Variants in PPFIA2 observed in about 807,000 individuals in gnomAD.
The protein encoded by PPFIA2 is PPFI scaffold protein A2.
Under a neutral mutation model 175.5 loss-of-function variants are expected in PPFIA2, and 46 were observed. That is an observed-to-expected ratio of 0.26 (90% CI 0.21 to 0.34). PPFIA2 has a LOEUF of 0.34. PPFIA2 is among the 10% of genes least tolerant of loss of function. PPFIA2 has a pLI of 1.00. For missense variants in PPFIA2, 1,179 were observed against 1,506.1 expected (o/e 0.78, Z 3.60); for synonymous variants, 568 against 511.4 (o/e 1.11, Z -1.49).
At chr12:81,441,340 A>C (rs763319526) in intron 6 of PPFIA2, among the ~76,000 whole-genome samples, 29 of 152,048 alleles carry the variant, frequency 1.9e-4, no homozygotes, top group Non-Finnish European at 2.9e-4. Context: ...CCTGAAATAG[A>C]CCTTGAATCA....
intron 8 of PPFIA2, among the ~76,000 whole-genome samples, chr12:81,385,891 A>G (rs2038828732): frequency 6.6e-6 from 1 of 152,184 alleles, no homozygotes. Context: ...AGTGATGGAT[A>G]TATTAACTTG....
intron 29 of PPFIA2, 162 bp from the exon 30 acceptor site, chr12:81,267,182 T>C: frequency 4.1e-6 from 2 of 485,954 alleles, no homozygotes; most frequent in South Asian, 3.8e-5. Context: ...AAATTTTAAC[T>C]ACAAAAAAAA....
At chr12:81,365,191 A>G (rs536323861) in intron 14 of PPFIA2, among the ~76,000 whole-genome samples, 3 of 151,920 alleles carry the variant, frequency 2.0e-5, no homozygotes, top group African/African-American at 4.8e-5. Flanking sequence ...AGAGATAAAG[A>G]TGGAAAGGGA....
chr12:81,643,882 T>C (rs1000228748), intron 4 of PPFIA2, among the ~76,000 whole-genome samples: 1 of 152,058 alleles, frequency 6.6e-6, no homozygotes, highest in Non-Finnish European at 1.5e-5. Flanking sequence ...GTTCCTTTTC[T>C]GTTTGGGGAA....
intron 4 of PPFIA2, among the ~76,000 whole-genome samples, chr12:81,675,901 T>C (rs1376103248): frequency 2.0e-5 from 3 of 152,042 alleles, no homozygotes; most frequent in African/African-American, 7.2e-5. Context: ...TTTTTAGCCA[T>C]ACTTTAGGAG....
Position 81,299,484 on chromosome 12 carries a change from A to G in PPFIA2, c.2643-102T>C, listed in dbSNP as rs2047292864. 3 of 1,407,716 alleles carry G rather than the reference A, an allele frequency of 2.1e-6. No individual in the cohort carries two copies. The East Asian group carries it at 7.6e-5, about 36-fold the overall frequency. The allele number at this position is 1,407,716 out of a possible 1,614,324, so 87.2% of individuals were successfully genotyped here. A position where few individuals can be genotyped will look rare whatever the true frequency, so the allele number is the denominator to read the frequency against. ...AAAATAACCAATCATCCTTTACAAG[A>G]TTTTTTATGATACAATATAGAATAA... On this transcript the variant is annotated intron_variant, in intron 22 of 32. Transcript: ENST00000549396.
chr12:81,373,920 T>C (rs17008453), intron 11 of PPFIA2, among the ~76,000 whole-genome samples: 4,537 of 152,154 alleles, frequency 0.03, 213 homozygotes, highest in African/African-American at 0.1. Flanking sequence ...AACATGCTTT[T>C]AGTGACAAAA....
At chr12:81,424,126 T>G (rs1566768079) in intron 7 of PPFIA2, among the ~76,000 whole-genome samples, 2 of 152,094 alleles carry the variant, frequency 1.3e-5, no homozygotes, top group Admixed American at 6.6e-5. Flanking sequence ...ATAACATTAT[T>G]AAATGTTTTA....
chr12:81,512,300 C>T (rs946915423), intron 4 of PPFIA2: 1 of 1,288,406 alleles, frequency 7.8e-7, no homozygotes, highest in South Asian at 1.2e-5. Context: ...TCCTGGTCGG[C>T]CTCTGGCTCT....
chr12:81,732,527 A>C (rs1272114522), intron 3 of PPFIA2, among the ~76,000 whole-genome samples: 35 of 150,824 alleles, frequency 2.3e-4, no homozygotes, highest in Admixed American at 2.1e-3. Context: ...AAAAAAAAAA[A>C]AACACTCACA....
At chr12:81,581,921 T>G (rs137996300) in intron 4 of PPFIA2, among the ~76,000 whole-genome samples, 2,207 of 151,978 alleles carry the variant, frequency 0.015, 45 homozygotes, top group East Asian at 0.041. Context: ...CTCTTCAACC[T>G]TGAGAAACAT....
Position 81,676,841 on chromosome 12 carries a change from T to C in PPFIA2, c.253A>G (p.Ile85Val). The C allele has an allele frequency of 6.3e-7, 1 of 1,575,216 alleles. No homozygotes were observed. Among genetic ancestry groups the C allele is most frequent in the South Asian group, 1.2e-5 (1 of 85,232 alleles). ...RQLNSALPQD[I>V]ESLTGGLAGS... ...GCCAGCCCTCCTGTTAGGGATTCGA[T>C]ATCCTGAAAAGGGGAGAGGTGTTGA... Residue 85 changes from isoleucine (I) to valine (V), a missense_variant, in exon 4 of 33, where the codon ATC becomes GTC. Ile to Val is a conservative substitution (Grantham distance 29). This residue lies in a region of PPFIA2 where 128 missense variants were observed against 141.4 expected (regional missense o/e 0.91). Transcript: ENST00000549396.
intron 11 of PPFIA2, among the ~76,000 whole-genome samples, chr12:81,374,414 A>G (rs1171930888): frequency 6.6e-6 from 1 of 152,140 alleles, no homozygotes; most frequent in African/African-American, 2.4e-5. Flanking sequence ...TTGTTTTGTT[A>G]ATGTTTAAAT....
At chr12:81,265,307 A>AAG (rs912844209) in intron 30 of PPFIA2, among the ~76,000 whole-genome samples, 13 of 151,428 alleles carry the variant, frequency 8.6e-5, no homozygotes, top group Non-Finnish European at 1.6e-4. Context: ...AAAAAAAAAA[A>AAG]AAAAAAAAAA....
chr12:81,381,998 A>G (rs117466605), intron 9 of PPFIA2, among the ~76,000 whole-genome samples: 13,381 of 152,118 alleles, frequency 0.088, 824 homozygotes, highest in Middle Eastern at 0.16. Context: ...GCTCTTATAG[A>G]TGTTTACGAA....
At chr12:81,734,283 T>C (rs958771713) in intron 3 of PPFIA2, among the ~76,000 whole-genome samples, 8 of 151,784 alleles carry the variant, frequency 5.3e-5, no homozygotes, top group East Asian at 1.9e-4. Flanking sequence ...TGGGAAGATA[T>C]GCACATATAA....
At chr12:81,370,604 A>G (rs531972424) in intron 11 of PPFIA2, among the ~76,000 whole-genome samples, 2 of 152,032 alleles carry the variant, frequency 1.3e-5, no homozygotes, top group East Asian at 3.9e-4. Flanking sequence ...CTGTGGAAAC[A>G]AAATAGTGCC....
chr12:81,653,582 C>T (rs190909697), intron 4 of PPFIA2, among the ~76,000 whole-genome samples: 1 of 152,074 alleles, frequency 6.6e-6, no homozygotes, highest in Non-Finnish European at 1.5e-5. Context: ...TGGCATTCTC[C>T]TGCACCAGTC....
intron 4 of PPFIA2, among the ~76,000 whole-genome samples, chr12:81,514,642 A>G (rs1237802524): frequency 6.6e-6 from 1 of 151,970 alleles, no homozygotes; most frequent in Admixed American, 6.6e-5. Flanking sequence ...GAAATTTGGT[A>G]TGCTTAAATC....
Sources: allele counts gnomAD v4.1 joint callset (sites outside exome capture counted in the v4.1 genomes callset), GRCh38; gene constraint gnomAD v4.1.1; regional missense constraint gnomAD v4.1.1; transcripts MANE v1.5; gene names NCBI Gene and HGNC (gene_info 2026-07-23, HGNC 2026-07-21).